The following SLC46A3 variants were observed in gnomAD, a reference collection of about 807,000 sequenced individuals.
The protein encoded by SLC46A3 is solute carrier family 46 member 3.
Under a neutral mutation model 38.5 loss-of-function variants are expected in SLC46A3, and 26 were observed. The observed-to-expected ratio is 0.68, with a 90% CI of 0.49 to 0.94. The LOEUF is 0.94. Among genes scored for constraint, SLC46A3 ranks in the 40% least tolerant of loss-of-function variants. SLC46A3 has a pLI of 0.00. For missense variants in SLC46A3, 510 were observed against 544.3 expected, an observed-to-expected ratio of 0.94 and a Z score of 0.63; for synonymous variants, 185 against 192.5, an observed-to-expected ratio of 0.96 and a Z score of 0.32.
At chr13:28,707,019 A>G (rs553116388) in intron 4 of SLC46A3, among the ~76,000 whole-genome samples, 1 of 152,312 alleles carries the variant, frequency 6.6e-6, no homozygotes, top group Admixed American at 6.5e-5. Flanking sequence ...AGAACTAGAA[A>G]TACCATTTGA....
At chr13:28,712,101 C>A (rs955298343) in intron 3 of SLC46A3, among the ~76,000 whole-genome samples, 1 of 152,194 alleles carries the variant, frequency 6.6e-6, no homozygotes, top group Non-Finnish European at 1.5e-5. Flanking sequence ...TATAGTTCCA[C>A]AGCCTTTTTC....
At position 28,717,484 on chromosome 13, in the gene SLC46A3, A is replaced by AATTTTTTTTTTTTTTTTTTTTTTTTTT. The variant is rs1322198755; in HGVS notation, c.189+325_189+326insAAAAAAAAAAAAAAAAAAAAAAAAAAT. Among the ~76,000 whole-genome samples the AATTTTTTTTTTTTTTTTTTTTTTTTTT allele has an allele frequency of 3.8e-3, 357 of 93,966 alleles. 68 individuals carry two copies. Among genetic ancestry groups the AATTTTTTTTTTTTTTTTTTTTTTTTTT allele is most frequent in the Middle Eastern group, 5.4e-3 (1 of 184 alleles). The allele number at this position is 93,966 out of a possible 152,430, so 61.6% of individuals were successfully genotyped here. A position where few individuals can be genotyped will look rare whatever the true frequency, so the allele number is the denominator to read the frequency against. On this transcript the variant is annotated intron_variant, in intron 2 of 5. Coordinates refer to ENST00000266943, the MANE Select transcript of SLC46A3 (RefSeq NM_181785.4). ...CAGCCTGCCCTGCCCCAATTTTCAG[A>AATTTTTTTTTTTTTTTTTTTTTTTTTT]CTTTTTTTTTTTTTTTTTTTTTTTT... is the stretch of plus-strand genomic sequence containing the variant.
rs1282237026 is a variant in SLC46A3, at chr13:28,713,002, G to A, written c.738C>T (p.Tyr246=). The A allele has an allele frequency of 1.2e-6, 2 of 1,613,242 alleles. No homozygotes were observed. Among genetic ancestry groups the A allele is most frequent in the Non-Finnish European group, 1.7e-6 (2 of 1,179,874 alleles). Residue 246 remains tyrosine, a synonymous_variant, in exon 3 of 6, where the codon TAC becomes TAT. Transcript: ENST00000266943. ...EGFKNLFYRT[Y]MLFKNASGKR... ...TACCAGAAGCATTCTTAAAAAGCAT[G>A]TAAGTTCGGTAAAATAGGTTTTTGA...
chr13:28,704,080 A>G lies in SLC46A3; in HGVS notation c.1164T>C (p.Ile388=). The change falls in exon 5 of 6, where the codon ATT becomes ATC. Residue 388 remains isoleucine (I), a synonymous_variant. Coordinates refer to ENST00000266943, the MANE Select transcript of SLC46A3 (RefSeq NM_181785.4). ...STEQGTLFAC[I]AFLETLGGVT... Reference sequence around the variant, plus strand: ...CTCCTCCAAGTGTTTCTAAGAAAGCAATACAAGCAAACAGGGTACCTGTTT... The same window carrying G: ...CTCCTCCAAGTGTTTCTAAGAAAGCGATACAAGCAAACAGGGTACCTGTTT... The G allele has an allele frequency of 6.2e-7, 1 of 1,613,680 alleles. No individual in the cohort carries two copies. Among genetic ancestry groups the G allele is most frequent in the Non-Finnish European group, 8.5e-7 (1 of 1,179,846 alleles).
chr13:28,709,623 T>TTC (rs1885284531), intron 4 of SLC46A3, among the ~76,000 whole-genome samples: 1 of 152,234 alleles, frequency 6.6e-6, no homozygotes, highest in African/African-American at 2.4e-5. Context: ...ATCCTGGTTA[T>TTC]TCTCTGCCTG....
Position 28,701,083 on chromosome 13 carries a change from G to C in SLC46A3, c.*414C>G. 6.1e-6 allele frequency: 9 copies of C among 1,463,894 alleles called. No individual in the cohort carries two copies. The highest frequency in any genetic ancestry group is 8.1e-6 in the Non-Finnish European group (9 of 1,106,864). The allele number at this position is 1,463,894 out of a possible 1,614,324, so 90.7% of individuals were successfully genotyped here. A position where few individuals can be genotyped will look rare whatever the true frequency, so the allele number is the denominator to read the frequency against. Reference sequence around the variant, plus strand: ...GCCTTCAAAATTATCCCTGAGAGAGGCCAGAAACCCATTCTGCTGATGAAG... The same window carrying C: ...GCCTTCAAAATTATCCCTGAGAGAGCCCAGAAACCCATTCTGCTGATGAAG... On this transcript the variant is annotated 3_prime_UTR_variant, in exon 6 of 6. Coordinates refer to ENST00000266943, the MANE Select transcript of SLC46A3 (RefSeq NM_181785.4).
intron 4 of SLC46A3, among the ~76,000 whole-genome samples, chr13:28,710,090 G>A (rs547043699): frequency 6.6e-6 from 1 of 152,144 alleles, no homozygotes; most frequent in South Asian, 2.1e-4. Flanking sequence ...TAGGAGACCC[G>A]CACACACTTA....
At chr13:28,710,660 A>G (rs1593188347) in intron 4 of SLC46A3, 100 bp downstream of exon 4, 9 of 909,130 alleles carry the variant, frequency 9.9e-6, no homozygotes, top group Non-Finnish European at 1.6e-5. Flanking sequence ...CCGTGCATAA[A>G]AAGGGCTGTA....
intron 2 of SLC46A3, among the ~76,000 whole-genome samples, chr13:28,714,984 A>G (rs2137840382): frequency 6.6e-6 from 1 of 152,324 alleles, no homozygotes; most frequent in East Asian, 1.9e-4. Flanking sequence ...AGTGTGTGCC[A>G]TTTGTATACT....
At chr13:28,710,733 C>A (rs202161160) in intron 4 of SLC46A3, 27 bp downstream of exon 4, 4 of 1,533,522 alleles carry the variant, frequency 2.6e-6, no homozygotes, top group Middle Eastern at 1.7e-4. Flanking sequence ...ATGGTAGATT[C>A]ATATTTCTTA....
intron 5 of SLC46A3, chr13:28,703,717 T>G (rs917482515): frequency 6.1e-6 from 2 of 325,556 alleles, no homozygotes; most frequent in Admixed American, 4.8e-5. Context: ...TATGAAACAC[T>G]TCATGAATTT....
At chr13:28,703,882 G>T in intron 5 of SLC46A3, 61 bp downstream of exon 5, 1 of 1,480,110 alleles carries the variant, frequency 6.8e-7, no homozygotes, top group Non-Finnish European at 9.3e-7. Flanking sequence ...TTACTGGTGA[G>T]GTTAGGGAAT....
rs768115571 is a variant in SLC46A3, at chr13:28,717,942, C to T, written c.57G>A (p.Leu19=). 1.5e-5 allele frequency: 24 copies of T among 1,613,854 alleles called. No individual in the cohort carries two copies. Among genetic ancestry groups the T allele is most frequent in the Non-Finnish European group, 2.0e-5 (24 of 1,179,996 alleles). Residue 19 remains leucine, a synonymous_variant, in exon 2 of 6, where the codon TTG becomes TTA. Transcript: ENST00000266943. ...CATATTGCGTTGTCAGTGGACCGGT[C>T]AAAGTCATAGCAAATGCACTAAGGA... ...AIFLSAFAMT[L]TGPLTTQYVY...
In SLC46A3 at chr13:28,701,315, A is replaced by G; in HGVS notation, c.*182T>C. 7.0e-7 allele frequency: 1 copy of G among 1,422,664 alleles called. No individual in the cohort carries two copies. Among genetic ancestry groups the G allele is most frequent in the Non-Finnish European group, 9.2e-7 (1 of 1,090,822 alleles). 88.1% of individuals were successfully genotyped at this position (1,422,664 alleles called of 1,614,324 possible). ...TGCATGATACGCACAAAGTGCTCAAAGTGCGTGGTACCACAAGAAGCTAAA... is the reference window on the plus strand; with the variant it reads ...TGCATGATACGCACAAAGTGCTCAAGGTGCGTGGTACCACAAGAAGCTAAA... On this transcript the variant is annotated 3_prime_UTR_variant, in exon 6 of 6. Coordinates refer to ENST00000266943, the MANE Select transcript of SLC46A3 (RefSeq NM_181785.4).
intron 4 of SLC46A3, among the ~76,000 whole-genome samples, chr13:28,710,395 T>TTC (rs1885309046): frequency 6.6e-6 from 1 of 152,208 alleles, no homozygotes; most frequent in African/African-American, 2.4e-5. Flanking sequence ...ATCCAGGCCC[T>TTC]TACTGGACAT....
At chr13:28,717,046 A>G (rs1885546569) in intron 2 of SLC46A3, among the ~76,000 whole-genome samples, 1 of 152,158 alleles carries the variant, frequency 6.6e-6, no homozygotes, top group South Asian at 2.1e-4. Flanking sequence ...TTGAAATGGT[A>G]GACTTTTGTC....
At chr13:28,701,692 A>G in intron 5 of SLC46A3, 111 bp from the exon 6 acceptor site, 1 of 958,476 alleles carries the variant, frequency 1.0e-6, no homozygotes, top group Non-Finnish European at 1.6e-6. Context: ...AATTATGCAG[A>G]TTATTAGGAG....
Position 28,712,911 on chromosome 13 carries a change from T to C in SLC46A3, c.829A>G (p.Ile277Val), listed in dbSNP as rs1885396698. 3.1e-6 allele frequency: 5 copies of C among 1,610,454 alleles called. No homozygotes were observed. Among genetic ancestry groups the C allele is most frequent in the Non-Finnish European group, 3.4e-6 (4 of 1,179,156 alleles). ...TCATAAAGGATAAAAATTGGGGCAATGCCAATTACCACAAAAAAATAAGTG... is the reference window on the plus strand; with the variant it reads ...TCATAAAGGATAAAAATTGGGGCAACGCCAATTACCACAAAAAAATAAGTG... ...VITYFFVVIG[I>V]APIFILYELD... Residue 277 changes from isoleucine to valine, a missense_variant, in exon 3 of 6, where the codon ATT becomes GTT. Coordinates refer to ENST00000266943, the MANE Select transcript of SLC46A3 (RefSeq NM_181785.4).
intron 4 of SLC46A3, among the ~76,000 whole-genome samples, chr13:28,706,198 G>A (rs1215922652): frequency 6.6e-6 from 1 of 152,138 alleles, no homozygotes; most frequent in East Asian, 1.9e-4. Flanking sequence ...TCAGCTATGA[G>A]TTCACAGTGG....
Sources: allele counts gnomAD v4.1 joint callset (sites outside exome capture counted in the v4.1 genomes callset), GRCh38; gene constraint gnomAD v4.1.1; transcripts MANE v1.5; gene names NCBI Gene and HGNC (gene_info 2026-07-23, HGNC 2026-07-21).